The following NAP1L1 variants were observed in gnomAD, a reference collection of about 807,000 sequenced individuals.
The protein encoded by NAP1L1 is nucleosome assembly protein 1 like 1.
A neutral mutation model predicts 58.9 loss-of-function variants in NAP1L1; 9 were observed. The observed-to-expected ratio is 0.15, with a 90% CI of 0.09 to 0.27. The LOEUF (loss-of-function observed/expected upper bound fraction) is 0.27, where lower values mean the gene tolerates loss of function less well. NAP1L1 is among the 10% of genes least tolerant of loss of function. The pLI is 1.00. For missense variants in NAP1L1, 302 were observed against 458.8 expected (o/e 0.66, Z 3.12); for synonymous variants, 130 against 138.3 (o/e 0.94, Z 0.42).
intron 1 of NAP1L1, 45 bp from the exon 2 acceptor site, chr12:76,074,284 T>A (rs1333492577): frequency 3.3e-6 from 5 of 1,517,076 alleles, no homozygotes; most frequent in Non-Finnish European, 8.8e-7. Context: ...ATATGATTTA[T>A]TAAAAAAAAA....
intron 1 of NAP1L1, among the ~76,000 whole-genome samples, chr12:76,083,445 C>CATTA (rs1950484722): frequency 3.6e-5 from 4 of 109,982 alleles, no homozygotes; most frequent in African/African-American, 1.4e-4. Flanking sequence ...ACGTAAAATA[C>CATTA]ATTAACTAGC....
Position 76,047,862 on chromosome 12 carries a change from A to C in NAP1L1, c.*567T>G, listed in dbSNP as rs1434180534. The C allele has an allele frequency of 6.6e-6, 1 of 152,434 alleles. No homozygotes were observed. Among genetic ancestry groups the C allele is most frequent in the Non-Finnish European group, 1.5e-5 (1 of 67,988 alleles). 9.4% of individuals were successfully genotyped at this position (152,434 alleles called of 1,614,324 possible). On this transcript the variant is annotated 3_prime_UTR_variant, in exon 15 of 15. Transcript: ENST00000618691. The stretch of plus-strand genomic sequence containing the variant: ...GAGTCAGGTTACTTTACAGTTAACT[A>C]TGTCACCTAAAACACAATAATCCAT...
At chr12:76,050,389 AAGCTATATAC>A in intron 12 of NAP1L1, 132 bp downstream of exon 12, 1 of 964,668 alleles carries the variant, frequency 1.0e-6, no homozygotes, top group Non-Finnish European at 1.4e-6. Context: ...AAACCCAGAA[AAGCTATATAC>A]AGAACATCAG....
chr12:76,071,560 T>C (rs1280230779), intron 2 of NAP1L1, among the ~76,000 whole-genome samples: 2 of 152,084 alleles, frequency 1.3e-5, no homozygotes, highest in African/African-American at 4.8e-5. Context: ...CAAGTGATAA[T>C]TTCATTGAGA....
chr12:76,068,842 C>T, intron 3 of NAP1L1, 67 bp downstream of exon 3: 1 of 1,173,220 alleles, frequency 8.5e-7, no homozygotes, highest in Non-Finnish European at 1.2e-6. Context: ...TAGACTGGTA[C>T]TTATAACTAC....
chr12:76,068,185 T>C (rs771153478), intron 3 of NAP1L1, among the ~76,000 whole-genome samples: 2 of 152,186 alleles, frequency 1.3e-5, no homozygotes, highest in African/African-American at 2.4e-5. Context: ...CTGATAATAA[T>C]TCAATTACTA....
intron 1 of NAP1L1, among the ~76,000 whole-genome samples, chr12:76,082,158 A>G (rs1950430777): frequency 6.6e-6 from 1 of 152,224 alleles, no homozygotes; most frequent in Non-Finnish European, 1.5e-5. Context: ...ACAACCAAGA[A>G]GTGAATAAAA....
intron 2 of NAP1L1, chr12:76,073,894 T>G: frequency 4.0e-6 from 1 of 250,710 alleles, no homozygotes; most frequent in Admixed American, 5.2e-5. Context: ...CAGTAAATCT[T>G]TGGGAAATAT....
rs1408348844 is a variant in NAP1L1 at position 76,045,584 on chromosome 12, C to G, written c.*2845G>C. 1 of 151,944 alleles carries G rather than the reference C, an allele frequency of 6.6e-6. No individual in the cohort carries two copies. The highest frequency in any genetic ancestry group is 2.4e-5 in the African/African-American group (1 of 41,404). The allele number at this position is 151,944 out of a possible 1,614,324, so 9.4% of individuals were successfully genotyped here. A position where few individuals can be genotyped will look rare whatever the true frequency, so the allele number is the denominator to read the frequency against. On this transcript the variant is annotated 3_prime_UTR_variant, in exon 15 of 15. Coordinates refer to ENST00000618691, the MANE Select transcript of NAP1L1 (RefSeq NM_004537.7). ...GTAGAATCCCATTTTTCTTAAGTAC[C>G]ACTCTACAAGCCAGTTCCACACAAT... is the stretch of plus-strand genomic sequence containing the variant.
Position 76,053,233 on chromosome 12 carries a change from A to G in NAP1L1, c.888T>C (p.Ser296=), listed in dbSNP as rs1369820663. ...RTVTKTVSND[S]FFNFFAPPEV... The stretch of plus-strand genomic sequence containing the variant: ...CAGGAGGGGCAAAAAAGTTAAAGAA[A>G]GAGTCATTGGAAACTGTTTTAGTCA... The change falls in exon 10 of 15, where the codon TCT becomes TCC. Residue 296 remains serine, a synonymous_variant. Transcript: ENST00000618691. The G allele has an allele frequency of 6.2e-7, 1 of 1,613,918 alleles. No homozygotes were observed. The highest frequency in any genetic ancestry group is 1.3e-5 in the African/African-American group (1 of 74,940).
chr12:76,037,358 T>C lies in NAP1L1; in HGVS notation c.*11071A>G, dbSNP rs1009862. 0.55 allele frequency: 83,954 copies of C among 152,168 alleles called. 24,848 individuals are homozygous for C. Among genetic ancestry groups the C allele is most frequent in the East Asian group, 0.96 (4,951 of 5,178 alleles). The allele number at this position is 152,168 out of a possible 1,614,324, so 9.4% of individuals were successfully genotyped here. A position where few individuals can be genotyped will look rare whatever the true frequency, so the allele number is the denominator to read the frequency against. ...TTTATAATGAGTGCTTAGCGCTTTT[T>C]TTTAACTGTAGTACAAACACAATTG... is the stretch of plus-strand genomic sequence containing the variant. On this transcript the variant is annotated 3_prime_UTR_variant, in exon 15 of 15. Transcript: ENST00000618691.
In NAP1L1 at chr12:76,041,399, T is replaced by C. The variant is rs905567522; in HGVS notation, c.*7030A>G. The C allele has an allele frequency of 1.3e-5, 2 of 152,196 alleles. No homozygotes were observed. Among genetic ancestry groups the C allele is most frequent in the African/African-American group, 4.8e-5 (2 of 41,448 alleles). The allele number at this position is 152,196 out of a possible 1,614,324, so 9.4% of individuals were successfully genotyped here. On this transcript the variant is annotated 3_prime_UTR_variant, in exon 15 of 15. Coordinates refer to ENST00000618691, the MANE Select transcript of NAP1L1 (RefSeq NM_004537.7). The stretch of plus-strand genomic sequence containing the variant: ...AGGTACTGATGAAAAGGAGATCCTA[T>C]GTTGAACTAGTAAAACACATGCACA...
At position 76,059,987 on chromosome 12, in the gene NAP1L1, T is replaced by TA. The variant is rs1339636898; in HGVS notation, c.349-110_349-109insT. The TA allele has an allele frequency of 8.4e-6, 10 of 1,185,194 alleles. No individual in the cohort carries two copies. In the African/African-American group the frequency reaches 1.4e-4, roughly 16 times the overall value. The allele number at this position is 1,185,194 out of a possible 1,614,324, so 73.4% of individuals were successfully genotyped here. A position where few individuals can be genotyped will look rare whatever the true frequency, so the allele number is the denominator to read the frequency against. ...AAATTTAACAAATGCATACCACAAC[T>TA]TTAACTGCTATTATTGATAGTTCCT... On this transcript the variant is annotated intron_variant, in intron 5 of 14. Transcript: ENST00000618691.
At chr12:76,083,414 A>G (rs1157518510) in intron 1 of NAP1L1, among the ~76,000 whole-genome samples, 2 of 150,032 alleles carry the variant, frequency 1.3e-5, no homozygotes, top group Non-Finnish European at 3.0e-5. Flanking sequence ...CCTGGGCCAC[A>G]CTAGAACTGT....
chr12:76,070,704 ATGGTGGAC>A lies in NAP1L1; in HGVS notation c.18-1718_18-1711del, dbSNP rs376750782. Reference sequence around the variant, plus strand: ...TGAGTACAGTCATCCCTCAGAGTCTATGGTGGACTGGTTCCAGGAAACCTCCCTACCAA... The same window carrying A: ...TGAGTACAGTCATCCCTCAGAGTCTATGGTTCCAGGAAACCTCCCTACCAA... On this transcript the variant is annotated intron_variant, in intron 2 of 14. Transcript: ENST00000618691. 5.8e-3 allele frequency among the ~76,000 whole-genome samples: 883 copies of A among 152,276 alleles called. 6 individuals are homozygous for A. The highest frequency in any genetic ancestry group is 0.02 in the African/African-American group (850 of 41,550).
chr12:76,076,588 A>ATC (rs1373294363), intron 1 of NAP1L1, among the ~76,000 whole-genome samples: 3 of 108,414 alleles, frequency 2.8e-5, no homozygotes, highest in Non-Finnish European at 4.1e-5. Context: ...ATATATATAT[A>ATC]TATATCTCCA....
rs879267353 is a variant in NAP1L1 at position 76,066,391 on chromosome 12, T to C, written c.206+980A>G. ...TTACCAGAGGACTCCATGGATAAAT[T>C]TGTAGAAATGACACATTATTTAGAA... On this transcript the variant is annotated intron_variant, in intron 4 of 14. Transcript: ENST00000618691. Among the ~76,000 whole-genome samples the C allele has an allele frequency of 6.6e-5, 10 of 152,080 alleles. 1 individual carries two copies. Among genetic ancestry groups the C allele is most frequent in the East Asian group, 3.9e-4 (2 of 5,176 alleles).
intron 4 of NAP1L1, among the ~76,000 whole-genome samples, chr12:76,062,538 G>A (rs543612337): frequency 6.6e-6 from 1 of 152,286 alleles, no homozygotes; most frequent in African/African-American, 2.4e-5. Flanking sequence ...TATACTTAGA[G>A]ATGAGGAAGA....
intron 4 of NAP1L1, among the ~76,000 whole-genome samples, chr12:76,066,279 G>A (rs1424006860): frequency 2.6e-5 from 4 of 152,000 alleles, no homozygotes; most frequent in Admixed American, 1.3e-4. Flanking sequence ...AATACGAAAT[G>A]TAGCAGAAAC....
Sources: allele counts gnomAD v4.1 joint callset (sites outside exome capture counted in the v4.1 genomes callset), GRCh38; gene constraint gnomAD v4.1.1; transcripts MANE v1.5; gene names NCBI Gene and HGNC (gene_info 2026-07-23, HGNC 2026-07-21).